Variants in KMO observed in about 807,000 individuals in gnomAD.
KMO encodes kynurenine 3-monooxygenase.
A neutral mutation model predicts 57.8 loss-of-function variants in KMO; 24 were observed. That is an observed-to-expected ratio of 0.42 (90% CI 0.30 to 0.58). The LOEUF (loss-of-function observed/expected upper bound fraction) is 0.58, where lower values mean the gene tolerates loss of function less well. KMO is among the 20% of genes least tolerant of loss of function. The pLI is 0.22. For synonymous variants in KMO, 210 were observed against 193.6 expected, an observed-to-expected ratio of 1.08 and a Z score of -0.70; for missense variants, 483 against 588.2, an observed-to-expected ratio of 0.82 and a Z score of 1.85.
chr1:241,549,281 G>GAA (rs1237540485), intron 2 of KMO, among the ~76,000 whole-genome samples: 86 of 148,144 alleles, frequency 5.8e-4, no homozygotes, highest in African/African-American at 1.8e-3. Context: ...AAGGAAGAAA[G>GAA]AAAGAAAGGA....
chr1:241,578,143 A>G (rs190295982), intron 10 of KMO, among the ~76,000 whole-genome samples: 71 of 152,210 alleles, frequency 4.7e-4, no homozygotes, highest in African/African-American at 1.7e-3. Flanking sequence ...TCTATAGGCC[A>G]CCCTTACCAA....
At chr1:241,590,418 C>T in intron 14 of KMO, 155 bp downstream of exon 14, 2 of 609,070 alleles carry the variant, frequency 3.3e-6, no homozygotes. Context: ...AGAGAGGGAA[C>T]AGTGCTTACT....
At chr1:241,557,867 A>C (rs1394964939) in intron 5 of KMO, among the ~76,000 whole-genome samples, 2 of 152,242 alleles carry the variant, frequency 1.3e-5, no homozygotes, top group Non-Finnish European at 2.9e-5. Flanking sequence ...TTTTACAAAA[A>C]GCAGTACAGC....
At chr1:241,548,317 G>A (rs1661230843) in intron 1 of KMO, among the ~76,000 whole-genome samples, 1 of 152,098 alleles carries the variant, frequency 6.6e-6, no homozygotes, top group Admixed American at 6.6e-5. Context: ...ATATTGCTTA[G>A]AAATATGTAT....
intron 4 of KMO, among the ~76,000 whole-genome samples, chr1:241,553,403 T>C (rs904646709): frequency 6.6e-6 from 1 of 152,210 alleles, no homozygotes; most frequent in African/African-American, 2.4e-5. Flanking sequence ...CTTCATAATT[T>C]GGGCCAAGCA....
At chr1:241,564,877 G>T in intron 7 of KMO, 110 bp from the exon 8 acceptor site, 1 of 675,194 alleles carries the variant, frequency 1.5e-6, no homozygotes, top group South Asian at 1.8e-5. Flanking sequence ...GCGTATCATC[G>T]TGTAGATGCT....
At position 241,592,253 on chromosome 1, in the gene KMO, T is replaced by G. The variant is rs1432873408; in HGVS notation, c.*100T>G. On this transcript the variant is annotated 3_prime_UTR_variant, in exon 15 of 15. Coordinates refer to ENST00000366559, the MANE Select transcript of KMO (RefSeq NM_003679.5). Reference sequence around the variant, plus strand: ...CCATATTTGATTCACTAGTGGAAGATAGTGTTCTGCTTATAATTAAACTGA... The same window carrying G: ...CCATATTTGATTCACTAGTGGAAGAGAGTGTTCTGCTTATAATTAAACTGA... The G allele has an allele frequency of 4.9e-6, 4 of 816,484 alleles. No homozygotes were observed. Among genetic ancestry groups the G allele is most frequent in the Non-Finnish European group, 7.9e-6 (4 of 503,304 alleles). 50.6% of individuals were successfully genotyped at this position (816,484 alleles called of 1,614,324 possible).
chr1:241,554,039 T>TC (rs1661509670), intron 4 of KMO, among the ~76,000 whole-genome samples: 1 of 152,226 alleles, frequency 6.6e-6, no homozygotes, highest in African/African-American at 2.4e-5. Context: ...AAGAATAGAT[T>TC]CACCCTGAAT....
chr1:241,534,027 T>C (rs944156574), intron 1 of KMO, among the ~76,000 whole-genome samples: 6 of 152,206 alleles, frequency 3.9e-5, no homozygotes, highest in African/African-American at 1.2e-4. Context: ...GAAGAGTAGC[T>C]GATGAGGCCA....
intron 10 of KMO, among the ~76,000 whole-genome samples, chr1:241,584,684 A>G (rs1289552744): frequency 6.6e-6 from 1 of 152,206 alleles, no homozygotes; most frequent in East Asian, 1.9e-4. Context: ...ATCATTAATC[A>G]TATATTATTT....
intron 14 of KMO, 101 bp downstream of exon 14, chr1:241,590,364 A>G: frequency 1.0e-6 from 1 of 953,546 alleles, no homozygotes; most frequent in Non-Finnish European, 1.7e-6. Context: ...ATAATGGGAC[A>G]GACACCAACT....
chr1:241,571,811 A>T (rs1488889507), intron 10 of KMO, among the ~76,000 whole-genome samples: 1 of 150,886 alleles, frequency 6.6e-6, no homozygotes, highest in Non-Finnish European at 1.5e-5. Flanking sequence ...ATTAGTTTGG[A>T]AGTATTCCTC....
chr1:241,590,249 C>T lies in KMO; in HGVS notation c.1246C>T (p.His416Tyr), dbSNP rs1361959975. 1.2e-6 allele frequency: 2 copies of T among 1,612,306 alleles called. No individual in the cohort carries two copies. Among genetic ancestry groups the T allele is most frequent in the African/African-American group, 2.7e-5 (2 of 74,708 alleles). The change falls in exon 14 of 15, where the codon CAT becomes TAT. Residue 416 changes from histidine to tyrosine, a missense_variant. Coordinates refer to ENST00000366559, the MANE Select transcript of KMO (RefSeq NM_003679.5). ...IRYHEAVQRW[H>Y]WQKKVINKGL... Reference sequence around the variant, plus strand: ...ATACCATGAGGCTGTGCAGCGTTGGCATTGGCAAAAAAAGGTTGGAACAGT... The same window carrying T: ...ATACCATGAGGCTGTGCAGCGTTGGTATTGGCAAAAAAAGGTTGGAACAGT...
intron 1 of KMO, among the ~76,000 whole-genome samples, chr1:241,536,756 GTTCTCCA>G (rs1660768248): frequency 6.6e-6 from 1 of 152,162 alleles, no homozygotes; most frequent in Non-Finnish European, 1.5e-5. Flanking sequence ...ACCCAGGAAA[GTTCTCCA>G]TTTAGTAGTA....
chr1:241,550,708 GAT>G (rs1661362611), intron 3 of KMO, among the ~76,000 whole-genome samples: 1 of 152,064 alleles, frequency 6.6e-6, no homozygotes, highest in African/African-American at 2.4e-5. Context: ...CTCAATCTGT[GAT>G]ATTCGATTTA....
At chr1:241,564,437 T>A (rs1367538702) in intron 7 of KMO, among the ~76,000 whole-genome samples, 1 of 152,138 alleles carries the variant, frequency 6.6e-6, no homozygotes, top group East Asian at 1.9e-4. Context: ...CTATTATTTA[T>A]GTTATAGGAA....
chr1:241,557,869 C>A (rs189025155), intron 5 of KMO, among the ~76,000 whole-genome samples: 1 of 152,294 alleles, frequency 6.6e-6, no homozygotes, highest in African/African-American at 2.4e-5. Flanking sequence ...TTACAAAAAG[C>A]AGTACAGCAG....
intron 14 of KMO, among the ~76,000 whole-genome samples, chr1:241,590,593 A>G (rs1663224270): frequency 6.6e-6 from 1 of 152,204 alleles, no homozygotes; most frequent in Non-Finnish European, 1.5e-5. Flanking sequence ...GTAAAATTAG[A>G]CAGAACTGAA....
chr1:241,534,409 A>G lies in KMO; in HGVS notation c.54+1911A>G, dbSNP rs534887181. On this transcript the variant is annotated intron_variant, in intron 1 of 14. Transcript: ENST00000366559. ...TCTCCCTGAATAACATGAGATTGTCATCATGTAACCACGTCATACATATGC... is the reference window on the plus strand; with the variant it reads ...TCTCCCTGAATAACATGAGATTGTCGTCATGTAACCACGTCATACATATGC... Among the ~76,000 whole-genome samples the G allele has an allele frequency of 1.1e-4, 16 of 152,348 alleles. No homozygotes were observed. The South Asian group carries it at 2.9e-3, about 28-fold the overall frequency.
Sources: allele counts gnomAD v4.1 joint callset (sites outside exome capture counted in the v4.1 genomes callset), GRCh38; gene constraint gnomAD v4.1.1; transcripts MANE v1.5; gene names NCBI Gene and HGNC (gene_info 2026-07-23, HGNC 2026-07-21).